The following ARK2C variants were observed in gnomAD, a reference collection of about 807,000 sequenced individuals.
ARK2C encodes E3 ubiquitin-protein ligase ARK2C.
At chr18:46,424,589 C>T in the ARK2C span, among the ~76,000 whole-genome samples, 1 of 152,210 alleles carries the variant, frequency 6.6e-6, no homozygotes, top group African/African-American at 2.4e-5. Flanking sequence ...TGAACACAAA[C>T]ATCTTCCTGG....
At chr18:46,402,600 A>G in the ARK2C span, among the ~76,000 whole-genome samples, 2 of 152,124 alleles carry the variant, frequency 1.3e-5, no homozygotes, top group Non-Finnish European at 1.5e-5. Context: ...TCCCAGGCTT[A>G]AGTGATCCTC....
the ARK2C span, among the ~76,000 whole-genome samples, chr18:46,341,783 T>G: frequency 6.6e-6 from 1 of 152,210 alleles, no homozygotes; most frequent in Non-Finnish European, 1.5e-5. Context: ...TTTCTTACAA[T>G]ATGAACTCCT....
the ARK2C span, among the ~76,000 whole-genome samples, chr18:46,377,448 T>C: frequency 1.5e-4 from 23 of 152,136 alleles, no homozygotes; most frequent in African/African-American, 5.3e-4. Flanking sequence ...GTGTGGAGCA[T>C]CCCGAGAACC....
the ARK2C span, among the ~76,000 whole-genome samples, chr18:46,349,406 G>A: frequency 2.6e-5 from 4 of 152,152 alleles, no homozygotes; most frequent in African/African-American, 9.7e-5. Flanking sequence ...TTCCATTCAT[G>A]AGCGCTTCAC....
the ARK2C span, among the ~76,000 whole-genome samples, chr18:46,449,248 A>G: frequency 1.3e-5 from 2 of 152,230 alleles, no homozygotes; most frequent in African/African-American, 4.8e-5. Context: ...ACTCATAGCC[A>G]GGGTGAGGGA....
chr18:46,382,085 G>A, the ARK2C span, among the ~76,000 whole-genome samples: 9 of 152,204 alleles, frequency 5.9e-5, no homozygotes, highest in Non-Finnish European at 1.2e-4. Flanking sequence ...GGCATCTGTA[G>A]AGCCAGGTTG....
the ARK2C span, among the ~76,000 whole-genome samples, chr18:46,409,206 C>T: frequency 6.6e-6 from 1 of 152,202 alleles, no homozygotes; most frequent in Non-Finnish European, 1.5e-5. Context: ...AAAGGATAGT[C>T]TGCAAGTTTA....
chr18:46,389,152 T>A, the ARK2C span, among the ~76,000 whole-genome samples: 1 of 152,110 alleles, frequency 6.6e-6, no homozygotes, highest in African/African-American at 2.4e-5. Context: ...TAAGTCACCA[T>A]CAGGTAGTGA....
chr18:46,394,732 C>T, the ARK2C span, among the ~76,000 whole-genome samples: 1 of 152,244 alleles, frequency 6.6e-6, no homozygotes, highest in African/African-American at 2.4e-5. Flanking sequence ...AGCTTTCCTT[C>T]ATGTCCACAC....
At chr18:46,441,908 T>C in the ARK2C span, among the ~76,000 whole-genome samples, 1 of 147,038 alleles carries the variant, frequency 6.8e-6, no homozygotes, top group African/African-American at 2.5e-5. Context: ...CTCACGCCTG[T>C]AATCCCAGCA....
At chr18:46,407,933 G>A in the ARK2C span, among the ~76,000 whole-genome samples, 2 of 152,338 alleles carry the variant, frequency 1.3e-5, no homozygotes, top group Admixed American at 1.3e-4. Context: ...TTTCACAGTG[G>A]CAAAGATCCA....
chr18:46,433,489 C>CTGGTCTCGCACCCCAGGT, the ARK2C span: 1 of 1,608,774 alleles, frequency 6.2e-7, no homozygotes, highest in Non-Finnish European at 8.5e-7. Context: ...GCACCGCAGG[C>CTGGTCTCGCACCCCAGGT]TGGTCTCGCA....
the ARK2C span, among the ~76,000 whole-genome samples, chr18:46,351,089 A>G: frequency 6.6e-6 from 1 of 152,194 alleles, no homozygotes; most frequent in Admixed American, 6.5e-5. Context: ...CCTGGCAGGT[A>G]TGCCAGTCTG....
the ARK2C span, among the ~76,000 whole-genome samples, chr18:46,365,665 A>C: frequency 6.6e-6 from 1 of 152,104 alleles, no homozygotes. Context: ...CACCAAGTCC[A>C]GCTAATTTTT....
chr18:46,338,181 T>C, the ARK2C span, among the ~76,000 whole-genome samples: 1 of 152,250 alleles, frequency 6.6e-6, no homozygotes, highest in Non-Finnish European at 1.5e-5. Context: ...TTATAAATCA[T>C]GCTGGGGGTG....
chr18:46,392,574 G>A, the ARK2C span, among the ~76,000 whole-genome samples: 4 of 149,272 alleles, frequency 2.7e-5, no homozygotes, highest in African/African-American at 7.4e-5. Context: ...ACGGCTCAGA[G>A]GAGAGGCTCT....
chr18:46,442,984 C>G, the ARK2C span, among the ~76,000 whole-genome samples: 1 of 152,162 alleles, frequency 6.6e-6, no homozygotes, highest in Non-Finnish European at 1.5e-5. Flanking sequence ...TTAGCACTTA[C>G]GGGGTATATC....
chr18:46,398,037 G>A, the ARK2C span, among the ~76,000 whole-genome samples: 8 of 145,216 alleles, frequency 5.5e-5, no homozygotes, highest in Non-Finnish European at 1.1e-4. Flanking sequence ...GTGGAGGTGT[G>A]AGGGTGTGTG....
chr18:46,409,242 G>C, the ARK2C span, among the ~76,000 whole-genome samples: 40 of 152,288 alleles, frequency 2.6e-4, no homozygotes, highest in East Asian at 5.4e-3. Flanking sequence ...GAGAAAAAAG[G>C]GGAACAGCAA....
Sources: allele counts gnomAD v4.1 joint callset (sites outside exome capture counted in the v4.1 genomes callset), GRCh38; gene constraint gnomAD v4.1.1; transcripts MANE v1.5; gene names NCBI Gene and HGNC (gene_info 2026-07-23, HGNC 2026-07-21).